Variants in KAT14 observed in about 807,000 individuals in gnomAD.
KAT14 encodes lysine acetyltransferase 14, also known as cysteine-rich protein 2-binding protein.
A neutral mutation model predicts 78.4 loss-of-function variants in KAT14; 66 were observed. That is an observed-to-expected ratio of 0.84 (90% CI 0.69 to 1.03). The LOEUF is 1.03. Among genes scored for constraint, KAT14 ranks in the 50% least tolerant of loss-of-function variants. KAT14 has a pLI of 0.00. For synonymous variants in KAT14, 344 were observed against 359.4 expected (o/e 0.96, Z 0.48); for missense variants, 870 against 972.5 (o/e 0.89, Z 1.40).
intron 4 of KAT14, 152 bp from the exon 5 acceptor site, chr20:18,158,932 C>T: frequency 1.1e-6 from 1 of 939,452 alleles, no homozygotes; most frequent in Non-Finnish European, 1.5e-6. Context: ...CAGGCGAACT[C>T]CAGAGCCTCT....
intron 7 of KAT14, among the ~76,000 whole-genome samples, chr20:18,178,226 A>C (rs1413472853): frequency 6.6e-6 from 1 of 152,230 alleles, no homozygotes; most frequent in Non-Finnish European, 1.5e-5. Flanking sequence ...AGACAAAAAA[A>C]ACCTATTTTT....
chr20:18,146,036 C>G (rs554029397), intron 3 of KAT14, among the ~76,000 whole-genome samples: 13 of 152,310 alleles, frequency 8.5e-5, no homozygotes, highest in African/African-American at 2.9e-4. Flanking sequence ...TGCATTTGAA[C>G]TCGGAGATGT....
At chr20:18,167,534 G>A (rs945865103) in intron 7 of KAT14, among the ~76,000 whole-genome samples, 5 of 152,068 alleles carry the variant, frequency 3.3e-5, no homozygotes, top group South Asian at 2.1e-4. Flanking sequence ...GAATGTATTC[G>A]TAGCTATAAG....
At chr20:18,146,366 C>G (rs1449122361) in intron 3 of KAT14, among the ~76,000 whole-genome samples, 2 of 151,672 alleles carry the variant, frequency 1.3e-5, no homozygotes, top group Admixed American at 1.3e-4. Flanking sequence ...AACCCCGACT[C>G]TATAAAAAAC....
rs747368078 is a variant in KAT14 at position 18,162,470 on chromosome 20, G to A, written c.1193G>A (p.Gly398Glu). 1.2e-6 allele frequency: 2 copies of A among 1,613,984 alleles called. No individual in the cohort carries two copies. The highest frequency in any genetic ancestry group is 1.7e-6 in the Non-Finnish European group (2 of 1,180,038). The change falls in exon 7 of 11, where the codon GGG becomes GAG. Residue 398 changes from glycine to glutamate, a missense_variant. Coordinates refer to ENST00000688188, the MANE Select transcript of KAT14 (RefSeq NM_001392073.1). ...AGSVASGPVV[G>E]VRKKVRGPEQ... ...TCAGTAGCTTCTGGGCCAGTGGTTG[G>A]GGTCAGAAAGAAGGTCAGAGGCCCT...
At chr20:18,152,226 C>G (rs1439197255) in intron 4 of KAT14, among the ~76,000 whole-genome samples, 1 of 151,924 alleles carries the variant, frequency 6.6e-6, no homozygotes, top group Non-Finnish European at 1.5e-5. Context: ...GAGGATCACT[C>G]GAGCCCAGGA....
chr20:18,164,664 T>C (rs951798596), intron 7 of KAT14, among the ~76,000 whole-genome samples: 6 of 151,038 alleles, frequency 4.0e-5, no homozygotes, highest in Admixed American at 2.0e-4. Flanking sequence ...TCACGCAGGT[T>C]GGAATGTAGT....
chr20:18,151,017 A>G (rs867426258), intron 4 of KAT14, 75 bp downstream of exon 4: 2 of 1,544,020 alleles, frequency 1.3e-6, no homozygotes, highest in Non-Finnish European at 8.8e-7. Context: ...GAGACAGCCT[A>G]ATGTAGACTT....
intron 7 of KAT14, among the ~76,000 whole-genome samples, chr20:18,166,560 T>C (rs895989942): frequency 2.6e-5 from 4 of 152,248 alleles, no homozygotes; most frequent in Admixed American, 2.6e-4. Context: ...TGATTTATTC[T>C]TTAACAAGAA....
intron 2 of KAT14, among the ~76,000 whole-genome samples, chr20:18,144,591 T>G (rs1312253940): frequency 6.6e-6 from 1 of 152,210 alleles, no homozygotes. Context: ...CACACTGCCC[T>G]GTGGTACACA....
chr20:18,148,087 T>C (rs1006711730), intron 3 of KAT14, among the ~76,000 whole-genome samples: 2 of 152,316 alleles, frequency 1.3e-5, no homozygotes, highest in Middle Eastern at 3.4e-3. Context: ...AGAGAATCAG[T>C]TGGTCTTGAA....
chr20:18,144,864 T>C (rs1174866411), intron 2 of KAT14, among the ~76,000 whole-genome samples: 2 of 152,210 alleles, frequency 1.3e-5, no homozygotes, highest in Admixed American at 6.5e-5. Flanking sequence ...TCTTGGACTT[T>C]GTATTCCCAG....
chr20:18,173,121 GTTTTA>G (rs2038908413), intron 7 of KAT14, among the ~76,000 whole-genome samples: 1 of 152,182 alleles, frequency 6.6e-6, no homozygotes. Context: ...ACAATGCTGT[GTTTTA>G]TTTTAAGATG....
chr20:18,181,634 G>A lies in KAT14; in HGVS notation c.1669-76G>A, dbSNP rs1002565461. On this transcript the variant is annotated intron_variant, in intron 7 of 10. Transcript: ENST00000688188. The stretch of plus-strand genomic sequence containing the variant: ...TCCGCCTACCTCAGCTTCCCAAAGT[G>A]TTGGGATTACCGGCATGAGCCACTG... 3.8e-5 allele frequency: 61 copies of A among 1,591,248 alleles called. No individual in the cohort carries two copies. The East Asian group carries it at 8.3e-4, about 22-fold the overall frequency.
At chr20:18,151,728 G>A (rs975537252) in intron 4 of KAT14, among the ~76,000 whole-genome samples, 1 of 151,820 alleles carries the variant, frequency 6.6e-6, no homozygotes, top group Non-Finnish European at 1.5e-5. Context: ...ACTTGGCTGG[G>A]CGCAGTGGCT....
chr20:18,137,755 CAA>C, upstream of KAT14: 1 of 493,024 alleles, frequency 2.0e-6, no homozygotes, highest in East Asian at 3.6e-5. Context: ...CTAGTGAAGC[CAA>C]GAGTTCGTAG....
intron 4 of KAT14, among the ~76,000 whole-genome samples, chr20:18,154,191 A>G (rs2038143341): frequency 6.6e-6 from 1 of 152,226 alleles, no homozygotes; most frequent in Non-Finnish European, 1.5e-5. Context: ...TATGAATGTT[A>G]ACAAGATTAC....
chr20:18,169,558 T>C (rs942155383), intron 7 of KAT14, among the ~76,000 whole-genome samples: 8 of 152,202 alleles, frequency 5.3e-5, no homozygotes, highest in African/African-American at 1.9e-4. Flanking sequence ...TTGGTAAATG[T>C]GTGTTTTCTG....
At chr20:18,171,710 G>A (rs951168403) in intron 7 of KAT14, among the ~76,000 whole-genome samples, 2 of 152,178 alleles carry the variant, frequency 1.3e-5, no homozygotes, top group African/African-American at 4.8e-5. Context: ...TACTTGGGAG[G>A]CTGAGGCAGG....
Sources: gnomAD v4.1 joint callset for allele counts (sites outside exome capture counted in the v4.1 genomes callset) on GRCh38, gnomAD v4.1.1 for gene constraint, MANE v1.5 for transcripts, NCBI Gene and HGNC (gene_info 2026-07-23, HGNC 2026-07-21) for gene names.